PTGER3: variants seen among roughly 807,000 people sequenced by gnomAD.
The protein encoded by PTGER3 is prostaglandin E receptor 3.
In PTGER3, 22 loss-of-function variants were observed where a neutral mutation model predicts 34.7. The ratio of observed to expected loss-of-function variants is 0.63; its 90% CI spans 0.45 to 0.91. PTGER3 has a LOEUF of 0.91. Ranked by LOEUF, PTGER3 falls within the 40% of genes least tolerant of loss-of-function variation. PTGER3 has a pLI of 0.00. For synonymous variants in PTGER3, 241 were observed against 230.1 expected (o/e 1.05, Z -0.43); for missense variants, 468 against 519.4 (o/e 0.90, Z 0.96).
chr1:71,040,622 A>G (rs920883908), intron 1 of PTGER3, among the ~76,000 whole-genome samples: 4 of 152,154 alleles, frequency 2.6e-5, no homozygotes, highest in African/African-American at 9.7e-5. Context: ...GAAAAAAAAA[A>G]GTATTCAGTC....
intron 4 of PTGER3, among the ~76,000 whole-genome samples, chr1:70,932,194 A>T (rs1213305513): frequency 6.6e-6 from 1 of 152,108 alleles, no homozygotes; most frequent in South Asian, 2.1e-4. Flanking sequence ...CAAGTTCCTC[A>T]TCTCCATCTG....
intron 4 of PTGER3, among the ~76,000 whole-genome samples, chr1:70,929,371 T>C (rs1648475281): frequency 6.6e-6 from 1 of 152,176 alleles, no homozygotes; most frequent in Non-Finnish European, 1.5e-5. Flanking sequence ...ATAATTTAAA[T>C]ACATTCATGT....
At chr1:70,986,209 T>A (rs762530835) in intron 2 of PTGER3, among the ~76,000 whole-genome samples, 6 of 152,148 alleles carry the variant, frequency 3.9e-5, no homozygotes, top group Non-Finnish European at 8.8e-5. Context: ...TTGTTTAGCA[T>A]ATCATCAAGA....
chr1:70,931,146 A>T (rs1418131494), intron 4 of PTGER3, among the ~76,000 whole-genome samples: 1 of 152,242 alleles, frequency 6.6e-6, no homozygotes, highest in Non-Finnish European at 1.5e-5. Flanking sequence ...TCAGCAGGGC[A>T]GTCAAATTTT....
chr1:70,865,891 C>A (rs1434938942), intron 4 of PTGER3: 16 of 1,131,758 alleles, frequency 1.4e-5, no homozygotes, highest in Non-Finnish European at 1.9e-5. Flanking sequence ...TCATCTAGAG[C>A]CACATCACAG....
chr1:70,899,170 T>G (rs755504252), intron 4 of PTGER3, among the ~76,000 whole-genome samples: 5 of 152,244 alleles, frequency 3.3e-5, no homozygotes, highest in Non-Finnish European at 7.3e-5. Flanking sequence ...GAATGTTTAT[T>G]AAACATCTGT....
rs574863292 is a variant in PTGER3 at position 70,912,933 on chromosome 1, T to C, written c.*23+40830A>G. 7.9e-5 allele frequency among the ~76,000 whole-genome samples: 12 copies of C among 152,184 alleles called. No individual in the cohort carries two copies. In the South Asian group the frequency reaches 2.5e-3, roughly 31 times the overall value. On this transcript the variant is annotated intron_variant, in intron 4 of 4. Transcript: ENST00000370931. ...TAATAAATTTTGGAGTCAAGTAGTATAAGTCCTTCAATTTGGCCTCTTTTT... is the reference window on the plus strand; with the variant it reads ...TAATAAATTTTGGAGTCAAGTAGTACAAGTCCTTCAATTTGGCCTCTTTTT...
intron 4 of PTGER3, among the ~76,000 whole-genome samples, chr1:70,911,061 C>T (rs1431533322): frequency 6.7e-6 from 1 of 148,186 alleles, no homozygotes; most frequent in Non-Finnish European, 1.5e-5. Flanking sequence ...GCCTGGGCGA[C>T]AGAGCGAGAC....
In PTGER3 at chr1:70,913,092, C is replaced by G. The variant is rs536770710; in HGVS notation, c.*23+40671G>C. On this transcript the variant is annotated intron_variant, in intron 4 of 4. Coordinates refer to the PTGER3 transcript ENST00000370931. ...AGATAAGTTTTGAGAGGATTTCCATCTTAGCAATATTTAATTTTTCATTTT... is the reference window on the plus strand; with the variant it reads ...AGATAAGTTTTGAGAGGATTTCCATGTTAGCAATATTTAATTTTTCATTTT... 8.4e-4 allele frequency among the ~76,000 whole-genome samples: 127 copies of G among 152,042 alleles called. 1 individual carries two copies. In the South Asian group the frequency reaches 0.011, roughly 14 times the overall value.
chr1:71,038,812 A>G (rs1017014638), intron 1 of PTGER3, among the ~76,000 whole-genome samples: 9 of 152,204 alleles, frequency 5.9e-5, no homozygotes, highest in Admixed American at 3.3e-4. Context: ...TGTAAATTCA[A>G]TTCTGGGCTG....
chr1:70,922,198 G>GCTT (rs1458988685), intron 4 of PTGER3, among the ~76,000 whole-genome samples: 9 of 152,056 alleles, frequency 5.9e-5, no homozygotes, highest in African/African-American at 2.2e-4. Flanking sequence ...AATAAGCATA[G>GCTT]CTTCTAGCTA....
At chr1:70,874,430 T>A (rs1646230046) in intron 4 of PTGER3, among the ~76,000 whole-genome samples, 1 of 152,238 alleles carries the variant, frequency 6.6e-6, no homozygotes. Context: ...CCTCCCCAGC[T>A]CCTCTGGCTG....
At position 70,996,298 on chromosome 1, in the gene PTGER3, T is replaced by TA. The variant is rs967674674; in HGVS notation, c.1077+16006dup. 3.6e-4 allele frequency among the ~76,000 whole-genome samples: 53 copies of TA among 148,582 alleles called. 1 individual carries two copies. Among genetic ancestry groups the TA allele is most frequent in the South Asian group, 6.4e-4 (3 of 4,708 alleles). On this transcript the variant is annotated intron_variant, in intron 2 of 3. Coordinates refer to ENST00000306666, the MANE Select transcript of PTGER3 (RefSeq NM_198719.2). ...AAGTAGTAATTAGGCTTGACTTACC[T>TA]AAAAAAAAAATACCCATTCTATCCT... is the stretch of plus-strand genomic sequence containing the variant.
At chr1:70,865,219 T>A (rs975248406) in intron 4 of PTGER3, among the ~76,000 whole-genome samples, 1 of 152,150 alleles carries the variant, frequency 6.6e-6, no homozygotes, top group South Asian at 2.1e-4. Context: ...CCCTAAGGCA[T>A]TGAGACCTAA....
chr1:70,940,514 G>A (rs1312072606), intron 4 of PTGER3, among the ~76,000 whole-genome samples: 1 of 152,168 alleles, frequency 6.6e-6, no homozygotes, highest in Non-Finnish European at 1.5e-5. Flanking sequence ...AAGAAAAAGA[G>A]GTTTAATTTG....
rs1653096175 is a variant in PTGER3, at chr1:70,971,710, T to C, written c.*20A>G. ...CAGGGAAGCAGGAATTGCAATAAAA[T>C]GTCCAACTCCGTTCTTTCATTATCT... is the stretch of plus-strand genomic sequence containing the variant. On this transcript the variant is annotated 3_prime_UTR_variant, in exon 4 of 4. Transcript: ENST00000306666. The C allele has an allele frequency of 6.4e-7, 1 of 1,561,396 alleles. No homozygotes were observed. The highest frequency in any genetic ancestry group is 8.7e-7 in the Non-Finnish European group (1 of 1,153,516).
At chr1:71,012,686 T>C (rs895825164) in intron 1 of PTGER3, among the ~76,000 whole-genome samples, 2 of 152,160 alleles carry the variant, frequency 1.3e-5, no homozygotes, top group African/African-American at 2.4e-5. Flanking sequence ...TGTGGCTATT[T>C]ATCATGATGT....
intron 4 of PTGER3, among the ~76,000 whole-genome samples, chr1:70,921,200 G>A (rs1339069583): frequency 2.0e-5 from 3 of 152,024 alleles, no homozygotes; most frequent in Non-Finnish European, 2.9e-5. Flanking sequence ...CCCCCTCAAG[G>A]AGCTTACAAT....
chr1:70,967,601 G>A (rs561829453), downstream of PTGER3, among the ~76,000 whole-genome samples: 11 of 152,076 alleles, frequency 7.2e-5, no homozygotes, highest in Admixed American at 2.0e-4. Context: ...TTTTAGTATG[G>A]CAATTAAACA....
Sources: gnomAD v4.1 joint callset for allele counts (sites outside exome capture counted in the v4.1 genomes callset) on GRCh38, gnomAD v4.1.1 for gene constraint, MANE v1.5 for transcripts, NCBI Gene and HGNC (gene_info 2026-07-23, HGNC 2026-07-21) for gene names.